Variants in BIK observed in about 807,000 individuals in gnomAD.
BIK encodes BCL2 interacting killer.
In BIK, 14 loss-of-function variants were observed where a neutral mutation model predicts 12.1. The observed-to-expected ratio is 1.16, with a 90% confidence interval of 0.77 to 1.81. The LOEUF is 1.81. Ranked by LOEUF, BIK falls within the 40% of genes most tolerant of loss-of-function variation. The pLI, the probability that BIK is intolerant of heterozygous loss-of-function variation, is 0.00. For missense variants in BIK, 215 were observed against 207.9 expected, an observed-to-expected ratio of 1.03 and a Z score of -0.21; for synonymous variants, 86 against 92.3, an observed-to-expected ratio of 0.93 and a Z score of 0.39.
intron 2 of BIK, 111 bp from the exon 3 acceptor site, chr22:43,127,586 C>T (rs1344615427): frequency 2.1e-5 from 20 of 963,964 alleles, no homozygotes; most frequent in Non-Finnish European, 3.1e-5. Context: ...GACACCATCT[C>T]TTATCCTCTG....
chr22:43,129,078 C>CT, intron 4 of BIK, 135 bp from the exon 5 acceptor site: 1 of 1,499,706 alleles, frequency 6.7e-7, no homozygotes, highest in East Asian at 2.3e-5. Flanking sequence ...TCCTGAACTC[C>CT]TTCCTTCTCT....
At chr22:43,115,627 T>C (rs1930096598) in intron 1 of BIK, among the ~76,000 whole-genome samples, 2 of 152,156 alleles carry the variant, frequency 1.3e-5, no homozygotes, top group South Asian at 4.1e-4. Context: ...CACGCCTGGC[T>C]AGTTTTTGTA....
chr22:43,129,673 C>T lies in BIK; in HGVS notation c.*368C>T, dbSNP rs746137991. On this transcript the variant is annotated 3_prime_UTR_variant, in exon 5 of 5. Transcript: ENST00000216115. ...GCAAAGAATCTACTGGAATAGATTC[C>T]GAGGAGCAGGAGTGCTCAATAAAAT... 4.1e-4 allele frequency: 113 copies of T among 272,946 alleles called. No individual in the cohort carries two copies. The highest frequency in any genetic ancestry group is 1.0e-4 in the Non-Finnish European group (15 of 144,550). 16.9% of individuals were successfully genotyped at this position (272,946 alleles called of 1,614,324 possible).
chr22:43,117,746 C>G (rs1156327923), intron 1 of BIK, among the ~76,000 whole-genome samples: 2 of 148,692 alleles, frequency 1.3e-5, no homozygotes, highest in African/African-American at 5.0e-5. Flanking sequence ...TCTCGGCTCA[C>G]TGCAAACTCC....
At chr22:43,125,035 C>T (rs181934105) in intron 2 of BIK, among the ~76,000 whole-genome samples, 10 of 152,152 alleles carry the variant, frequency 6.6e-5, no homozygotes, top group African/African-American at 1.7e-4. Context: ...TTCCCGGAAC[C>T]GAGAATTCCT....
At chr22:43,124,276 C>T (rs576168711) in intron 2 of BIK, 93 bp downstream of exon 2, 10 of 1,433,432 alleles carry the variant, frequency 7.0e-6, no homozygotes, top group Admixed American at 2.0e-5. Flanking sequence ...GGAGCGCCTG[C>T]AGATGCCTCC....
chr22:43,124,301 G>A (rs1294121570), intron 2 of BIK, 118 bp downstream of exon 2: 35 of 1,248,764 alleles, frequency 2.8e-5, no homozygotes, highest in South Asian at 7.2e-5. Flanking sequence ...CAGGGCCTCC[G>A]AGAGGAAGAT....
chr22:43,117,239 A>G (rs1487694286), intron 1 of BIK, among the ~76,000 whole-genome samples: 3 of 152,006 alleles, frequency 2.0e-5, no homozygotes, highest in Non-Finnish European at 4.4e-5. Context: ...CGCTGAGCAC[A>G]TTTTGTAGGG....
Position 43,127,850 on chromosome 22 carries a change from G to T in BIK, c.260+55G>T, listed in dbSNP as rs1930350244. ...CCTGGGGAGGGGCCCTGGGCGGTGG[G>T]TGGAGGCCCTGAACACAGCACAGGG... On this transcript the variant is annotated intron_variant, in intron 3 of 4. Transcript: ENST00000216115. 4 of 1,493,704 alleles carry T rather than the reference G, an allele frequency of 2.7e-6. No homozygotes were observed. In the African/African-American group the frequency reaches 5.5e-5, roughly 21 times the overall value. 92.5% of individuals were successfully genotyped at this position (1,493,704 alleles called of 1,614,324 possible).
At chr22:43,122,041 C>T (rs989503592) in intron 1 of BIK, among the ~76,000 whole-genome samples, 16 of 152,248 alleles carry the variant, frequency 1.1e-4, no homozygotes, top group African/African-American at 3.9e-4. Context: ...CATCCATCTC[C>T]CTTGAATGCT....
chr22:43,122,771 G>C (rs942342433), intron 1 of BIK, among the ~76,000 whole-genome samples: 2 of 152,166 alleles, frequency 1.3e-5, no homozygotes, highest in Non-Finnish European at 2.9e-5. Flanking sequence ...AGTTGGAGGA[G>C]ACAGCTCAGT....
At chr22:43,123,946 C>A in intron 1 of BIK, 70 bp from the exon 2 acceptor site, 1 of 1,514,504 alleles carries the variant, frequency 6.6e-7, no homozygotes, top group Non-Finnish European at 9.0e-7. Context: ...ATCTGGGGGT[C>A]ATCCTGTGAG....
chr22:43,114,868 C>A (rs535860159), intron 1 of BIK, among the ~76,000 whole-genome samples: 3 of 152,352 alleles, frequency 2.0e-5, no homozygotes, highest in Non-Finnish European at 4.4e-5. Context: ...CTTCTCAGGG[C>A]TACATCTGCC....
chr22:43,123,615 A>G (rs1930257829), intron 1 of BIK, among the ~76,000 whole-genome samples: 4 of 151,816 alleles, frequency 2.6e-5, no homozygotes, highest in Admixed American at 2.6e-4. Context: ...TTAGCCAGGC[A>G]TAGCTCATGC....
At chr22:43,127,190 G>T (rs866968945) in intron 2 of BIK, among the ~76,000 whole-genome samples, 1 of 152,180 alleles carries the variant, frequency 6.6e-6, no homozygotes, top group African/African-American at 2.4e-5. Context: ...TTTGGAGAGG[G>T]GTGGTGCCAG....
Position 43,113,073 on chromosome 22 carries a change from G to A in BIK, c.-8+2270G>A, listed in dbSNP as rs546777427. Among the ~76,000 whole-genome samples, 126 of 151,800 alleles carry A rather than the reference G, an allele frequency of 8.3e-4. 3 individuals are homozygous for A. In the South Asian group the frequency reaches 0.024, roughly 29 times the overall value. ...GCAAAAATTAGCCGGTCGTGGTGGC[G>A]TGTGTCTGTAATCCCAGCTACTTGG... On this transcript the variant is annotated intron_variant, in intron 1 of 4. Coordinates refer to ENST00000216115, the MANE Select transcript of BIK (RefSeq NM_001197.5).
intron 1 of BIK, among the ~76,000 whole-genome samples, chr22:43,111,231 C>A (rs1220246805): frequency 6.6e-6 from 1 of 152,210 alleles, no homozygotes; most frequent in Non-Finnish European, 1.5e-5. Flanking sequence ...CGCACAGCCC[C>A]GGTGCCCTTA....
intron 1 of BIK, among the ~76,000 whole-genome samples, chr22:43,116,282 C>T (rs536303853): frequency 6.6e-6 from 1 of 151,966 alleles, no homozygotes; most frequent in Non-Finnish European, 1.5e-5. Flanking sequence ...AAATCTCCTC[C>T]CCTAACTTAT....
At chr22:43,127,939 G>A in intron 3 of BIK, 144 bp downstream of exon 3, 1 of 807,188 alleles carries the variant, frequency 1.2e-6, no homozygotes, top group South Asian at 1.9e-5. Flanking sequence ...GAAACCCTTG[G>A]CTGCTTCCCG....
Sources: gnomAD v4.1 joint callset for allele counts (sites outside exome capture counted in the v4.1 genomes callset) on GRCh38, gnomAD v4.1.1 for gene constraint, MANE v1.5 for transcripts, NCBI Gene and HGNC (gene_info 2026-07-23, HGNC 2026-07-21) for gene names.